XIRP2: variants seen among roughly 807,000 people sequenced by gnomAD.
XIRP2 encodes the protein xin actin-binding repeat-containing protein 2.
XIRP2 carries 236 observed loss-of-function variants against 277.0 expected under a neutral mutation model. The ratio of observed to expected loss-of-function variants is 0.85; its 90% CI spans 0.77 to 0.95. XIRP2 has a LOEUF of 0.95. Ranked by LOEUF, XIRP2 falls within the 40% of genes least tolerant of loss-of-function variation. The pLI, the probability that XIRP2 is intolerant of heterozygous loss-of-function variation, is 0.00. For synonymous variants in XIRP2, 1,490 were observed against 1,416.5 expected, an observed-to-expected ratio of 1.05 and a Z score of -1.17; for missense variants, 4,640 against 4,157.5, an observed-to-expected ratio of 1.12 and a Z score of -3.19.
intron 3 of XIRP2, among the ~76,000 whole-genome samples, chr2:167,157,931 GA>G (rs1024474438): frequency 5.9e-5 from 9 of 151,386 alleles, no homozygotes; most frequent in African/African-American, 1.2e-4. Context: ...TATTAAGAGT[GA>G]AAAAAAAGTC....
chr2:167,220,340 C>T (rs886313961), intron 5 of XIRP2, among the ~76,000 whole-genome samples: 1 of 152,178 alleles, frequency 6.6e-6, no homozygotes, highest in Non-Finnish European at 1.5e-5. Context: ...TGACATTAGA[C>T]AAGTCTCTTA....
chr2:167,098,425 G>A (rs779374604), intron 2 of XIRP2, among the ~76,000 whole-genome samples: 2 of 152,100 alleles, frequency 1.3e-5, no homozygotes, highest in African/African-American at 2.4e-5. Flanking sequence ...CTCTAAACTG[G>A]TTATTCTAGT....
chr2:167,101,613 C>T (rs1574256445), intron 2 of XIRP2, among the ~76,000 whole-genome samples: 1 of 152,158 alleles, frequency 6.6e-6, no homozygotes. Context: ...GCATAATGGT[C>T]TCCAATTCCA....
chr2:167,046,196 TG>T (rs1395569067), intron 2 of XIRP2, among the ~76,000 whole-genome samples: 1 of 152,058 alleles, frequency 6.6e-6, no homozygotes, highest in African/African-American at 2.4e-5. Flanking sequence ...TACTAATTTT[TG>T]TACATTGATT....
At chr2:166,911,342 G>A (rs1461960034) in intron 2 of XIRP2, among the ~76,000 whole-genome samples, 2 of 152,160 alleles carry the variant, frequency 1.3e-5, no homozygotes, top group African/African-American at 2.4e-5. Context: ...TCTTCTCGTT[G>A]AATTGATCCC....
chr2:167,182,151 T>C (rs1693034656), intron 3 of XIRP2, among the ~76,000 whole-genome samples: 1 of 152,180 alleles, frequency 6.6e-6, no homozygotes, highest in African/African-American at 2.4e-5. Context: ...GCAATTCAAT[T>C]ACTAATACCC....
chr2:167,066,532 C>G (rs2105245598), intron 2 of XIRP2, among the ~76,000 whole-genome samples: 1 of 152,092 alleles, frequency 6.6e-6, no homozygotes, highest in South Asian at 2.1e-4. Context: ...GAAATGAAAA[C>G]TGGTGCAGCT....
intron 4 of XIRP2, among the ~76,000 whole-genome samples, chr2:167,217,035 A>G (rs1694268307): frequency 1.4e-5 from 2 of 146,918 alleles, no homozygotes; most frequent in East Asian, 2.0e-4. Context: ...TCACAAGAAG[A>G]AAAAACCGAA....
chr2:167,032,836 AC>A (rs1464059021), intron 2 of XIRP2, among the ~76,000 whole-genome samples: 1 of 152,194 alleles, frequency 6.6e-6, no homozygotes, highest in African/African-American at 2.4e-5. Flanking sequence ...ATGCTTTTAC[AC>A]TGTGGGTTGG....
intron 2 of XIRP2, among the ~76,000 whole-genome samples, chr2:167,038,144 C>T (rs989812627): frequency 2.0e-5 from 3 of 151,770 alleles, no homozygotes; most frequent in Non-Finnish European, 4.4e-5. Context: ...GAATATTTTT[C>T]TTTTGAGTTA....
At chr2:167,133,727 G>T (rs1691451614) in intron 2 of XIRP2, among the ~76,000 whole-genome samples, 1 of 152,176 alleles carries the variant, frequency 6.6e-6, no homozygotes, top group Non-Finnish European at 1.5e-5. Context: ...AATGCTAGCA[G>T]TTGGATTAAA....
intron 3 of XIRP2, among the ~76,000 whole-genome samples, chr2:167,198,946 G>C (rs758902220): frequency 1.3e-5 from 2 of 152,128 alleles, no homozygotes; most frequent in Non-Finnish European, 1.5e-5. Context: ...AAAGACTTGA[G>C]ATCATTGAAA....
In XIRP2 at chr2:167,246,289, G is replaced by A; in HGVS notation, c.4897G>A (p.Val1633Ile). 6.2e-7 allele frequency: 1 copy of A among 1,613,320 alleles called. No individual in the cohort carries two copies. The highest frequency in any genetic ancestry group is 1.1e-5 in the South Asian group (1 of 90,984). ...ILISEEEKGN[V>I]NLTKTQLLNR... is the part of the protein sequence containing the mutation. ...GATTAGTGAAGAAGAGAAGGGAAAT[G>A]TTAATTTGACTAAAACTCAATTATT... The change falls in exon 9 of 11, where the codon GTT becomes ATT. Residue 1633 changes from valine to isoleucine, a missense_variant. Coordinates refer to ENST00000409195, the MANE Select transcript of XIRP2 (RefSeq NM_152381.6).
chr2:167,251,881 G>C lies in XIRP2; in HGVS notation c.10489G>C (p.Ala3497Pro). The C allele has an allele frequency of 6.2e-7, 1 of 1,605,984 alleles. No individual in the cohort carries two copies. ...SGRVFKGLGY[A>P]TADASATEMR... ...AAGAGTTTTTAAAGGCCTGGGATAT[G>C]CAACCGCAGATGCTTCTGCAACTGA... The change falls in exon 9 of 11, where the codon GCA becomes CCA. Residue 3497 changes from alanine (A) to proline (P), a missense_variant. Physicochemically the swap from Ala to Pro is conservative, Grantham distance 27. Transcript: ENST00000409195.
In XIRP2 at chr2:167,248,706, C is replaced by T. The variant is rs776199099; in HGVS notation, c.7314C>T (p.Asn2438=). The change falls in exon 9 of 11, where the codon AAC becomes AAT. Residue 2438 remains asparagine (N), a synonymous_variant. Coordinates refer to ENST00000409195, the MANE Select transcript of XIRP2 (RefSeq NM_152381.6). ...KLPKHIKDNK[N]DFSPKVELAT... is the part of the protein sequence containing the mutation. Reference sequence around the variant, plus strand: ...CCAAGCATATAAAAGATAATAAGAACGATTTTTCCCCCAAAGTTGAACTGG... The same window carrying T: ...CCAAGCATATAAAAGATAATAAGAATGATTTTTCCCCCAAAGTTGAACTGG... 2.2e-5 allele frequency: 35 copies of T among 1,613,562 alleles called. No individual in the cohort carries two copies. The highest frequency in any genetic ancestry group is 4.4e-5 in the South Asian group (4 of 91,072).
chr2:166,956,083 T>A (rs1367133605), intron 2 of XIRP2, among the ~76,000 whole-genome samples: 2 of 151,754 alleles, frequency 1.3e-5, no homozygotes, highest in African/African-American at 4.8e-5. Context: ...TGGTCAATTC[T>A]ATTTTTCCAT....
intron 2 of XIRP2, among the ~76,000 whole-genome samples, chr2:167,002,685 T>C (rs1687403597): frequency 6.6e-6 from 1 of 151,984 alleles, no homozygotes; most frequent in Non-Finnish European, 1.5e-5. Flanking sequence ...TATCTCACCT[T>C]ATAGAAGTTA....
chr2:167,242,856 A>C lies in XIRP2; in HGVS notation c.1464A>C (p.Val488=). The C allele has an allele frequency of 6.2e-7, 1 of 1,614,172 alleles. No individual in the cohort carries two copies. Residue 488 remains valine, a synonymous_variant, in exon 9 of 11, where the codon GTA becomes GTC. Coordinates refer to ENST00000409195, the MANE Select transcript of XIRP2 (RefSeq NM_152381.6). ...GAAGACTACCAGTCCCCAAAGATGT[A>C]TATTCCAAGCAAAGAAATTTGTATG... is the stretch of plus-strand genomic sequence containing the variant. ...PPRRLPVPKD[V]YSKQRNLYEL...
intron 2 of XIRP2, among the ~76,000 whole-genome samples, chr2:167,062,266 G>A (rs192404463): frequency 1.3e-5 from 2 of 152,234 alleles, no homozygotes; most frequent in African/African-American, 4.8e-5. Context: ...ACTGGCAAAT[G>A]TTGCAAATTA....
Sources: allele counts gnomAD v4.1 joint callset (sites outside exome capture counted in the v4.1 genomes callset), GRCh38; gene constraint gnomAD v4.1.1; transcripts MANE v1.5; gene names NCBI Gene and HGNC (gene_info 2026-07-23, HGNC 2026-07-21).